Variants in SHOC1 observed in about 807,000 individuals in gnomAD.
SHOC1 encodes protein shortage in chiasmata 1 ortholog.
In SHOC1, 136 loss-of-function variants were observed where a neutral mutation model predicts 179.2. The ratio of observed to expected loss-of-function variants is 0.76; its 90% CI spans 0.66 to 0.87. The LOEUF is 0.87. SHOC1 is among the 40% of genes least tolerant of loss of function. SHOC1 has a pLI of 0.00. For synonymous variants in SHOC1, 489 were observed against 586.6 expected, an observed-to-expected ratio of 0.83 and a Z score of 2.41; for missense variants, 1,538 against 1,700.8, an observed-to-expected ratio of 0.90 and a Z score of 1.68.
chr9:111,711,355 C>T (rs1589392699), intron 18 of SHOC1, among the ~76,000 whole-genome samples: 2 of 152,098 alleles, frequency 1.3e-5, no homozygotes, highest in South Asian at 2.1e-4. Context: ...TGCACACCTG[C>T]GCACTGGGAA....
At chr9:111,700,413 G>C (rs2131338490) in intron 23 of SHOC1, among the ~76,000 whole-genome samples, 1 of 152,240 alleles carries the variant, frequency 6.6e-6, no homozygotes, top group African/African-American at 2.4e-5. Flanking sequence ...CACATGACCA[G>C]AACCAGGATA....
intron 9 of SHOC1, among the ~76,000 whole-genome samples, chr9:111,747,442 C>T (rs1834340532): frequency 6.6e-6 from 1 of 152,014 alleles, no homozygotes; most frequent in African/African-American, 2.4e-5. Flanking sequence ...CAGTGGTCAG[C>T]AAGATTGCTA....
In SHOC1 at chr9:111,766,109, G is replaced by T. The variant is rs781014663; in HGVS notation, c.443-7261C>A. On this transcript the variant is annotated intron_variant, in intron 5 of 27. Transcript: ENST00000682961. ...TCACCATTCTACTCTCTAACTTCAT[G>T]AGATCCACTTTTTTAGCTCCCACAT... is the stretch of plus-strand genomic sequence containing the variant. 7.4e-4 allele frequency among the ~76,000 whole-genome samples: 113 copies of T among 151,908 alleles called. 2 individuals are homozygous for T. Among genetic ancestry groups the T allele is most frequent in the Non-Finnish European group, 2.9e-4 (20 of 67,986 alleles).
intron 8 of SHOC1, among the ~76,000 whole-genome samples, chr9:111,752,869 G>A (rs1261656340): frequency 6.6e-6 from 1 of 152,086 alleles, no homozygotes; most frequent in African/African-American, 2.4e-5. Flanking sequence ...ATTGAAGACA[G>A]AGCAACAGAA....
chr9:111,793,777 C>G (rs186672144), intron 1 of SHOC1, among the ~76,000 whole-genome samples: 1 of 151,162 alleles, frequency 6.6e-6, no homozygotes, highest in Admixed American at 6.6e-5. Context: ...GAAATGCACA[C>G]GATAATGAGG....
intron 7 of SHOC1, 25 bp from the exon 8 acceptor site, chr9:111,756,503 T>A: frequency 6.4e-7 from 1 of 1,566,186 alleles, no homozygotes; most frequent in South Asian, 1.2e-5. Flanking sequence ...TTTAAAAAAG[T>A]TTTTAGAGAG....
At chr9:111,748,756 C>G (rs1184565067) in intron 8 of SHOC1, among the ~76,000 whole-genome samples, 1 of 40,130 alleles carries the variant, frequency 2.5e-5, no homozygotes, top group Non-Finnish European at 4.6e-5. Flanking sequence ...TTTTTTCCTT[C>G]CTTCCTTTCC....
At chr9:111,738,823 A>G (rs1017365635) in intron 11 of SHOC1, among the ~76,000 whole-genome samples, 3 of 152,192 alleles carry the variant, frequency 2.0e-5, no homozygotes, top group Admixed American at 2.0e-4. Context: ...GACCATTTTC[A>G]ATTATTAAAT....
chr9:111,785,051 C>G (rs932613934), intron 3 of SHOC1, among the ~76,000 whole-genome samples: 1 of 152,144 alleles, frequency 6.6e-6, no homozygotes, highest in African/African-American at 2.4e-5. Context: ...CTTCTCAGTC[C>G]CTTTTTCATT....
chr9:111,752,777 G>GA (rs1174773046), intron 8 of SHOC1, among the ~76,000 whole-genome samples: 1 of 152,034 alleles, frequency 6.6e-6, no homozygotes, highest in East Asian at 1.9e-4. Flanking sequence ...AGAACAAATG[G>GA]AAATTTTAAA....
At chr9:111,732,471 T>C (rs1382848569) in intron 12 of SHOC1, among the ~76,000 whole-genome samples, 1 of 152,030 alleles carries the variant, frequency 6.6e-6, no homozygotes, top group Non-Finnish European at 1.5e-5. Flanking sequence ...CACAAAAATA[T>C]TTATAACTTT....
At chr9:111,768,228 A>ATTTT (rs34176159) in intron 5 of SHOC1, among the ~76,000 whole-genome samples, 1 of 142,630 alleles carries the variant, frequency 7.0e-6, no homozygotes, top group African/African-American at 2.6e-5. Context: ...TGTATGTTAA[A>ATTTT]TTTTTTTTTT....
chr9:111,721,329 CTTTG>C (rs1466626014), intron 15 of SHOC1, among the ~76,000 whole-genome samples: 3 of 151,974 alleles, frequency 2.0e-5, no homozygotes, highest in Non-Finnish European at 2.9e-5. Flanking sequence ...CACATATATT[CTTTG>C]TTTGTTTGTT....
intron 3 of SHOC1, among the ~76,000 whole-genome samples, chr9:111,782,725 C>A (rs115262191): frequency 6.7e-6 from 1 of 150,222 alleles, no homozygotes; most frequent in Admixed American, 6.6e-5. Flanking sequence ...AAAAAAAAAA[C>A]AAAAACAAAA....
intron 5 of SHOC1, 45 bp from the exon 6 acceptor site, chr9:111,758,893 A>G: frequency 8.6e-7 from 1 of 1,162,696 alleles, no homozygotes; most frequent in Non-Finnish European, 1.2e-6. Flanking sequence ...AAAAACAAAA[A>G]GTTATCCAAA....
At position 111,723,829 on chromosome 9, in the gene SHOC1, T is replaced by G. The variant is rs773691067; in HGVS notation, c.1917A>C (p.Glu639Asp). 5.3e-5 allele frequency: 85 copies of G among 1,611,954 alleles called. No individual in the cohort carries two copies. The highest frequency in any genetic ancestry group is 7.0e-5 in the Non-Finnish European group (83 of 1,178,862). Reference sequence around the variant, plus strand: ...TTTCAATGACACTATCTGTTCCCCTTTCCTGATTTATTTCCTCCAGGGTTT... The same window carrying G: ...TTTCAATGACACTATCTGTTCCCCTGTCCTGATTTATTTCCTCCAGGGTTT... ...INKTLEEINQ[E>D]RGTDSVIEIQ... Residue 639 changes from glutamate (E) to aspartate (D), a missense_variant, in exon 14 of 28, where the codon GAA (glutamate) becomes GAC (aspartate). By Grantham distance (45) the Glu-to-Asp change is conservative. Transcript: ENST00000682961.
intron 18 of SHOC1, among the ~76,000 whole-genome samples, chr9:111,709,070 G>A (rs912396286): frequency 2.6e-5 from 4 of 152,220 alleles, no homozygotes; most frequent in African/African-American, 9.6e-5. Flanking sequence ...GCTGTGTGCA[G>A]TGGCTCACGC....
intron 9 of SHOC1, among the ~76,000 whole-genome samples, chr9:111,746,855 G>A (rs767928949): frequency 2.7e-4 from 41 of 151,864 alleles, no homozygotes; most frequent in African/African-American, 5.1e-4. Context: ...AATTACAACC[G>A]TGGTGATTTT....
chr9:111,742,297 AT>A (rs869238013), intron 10 of SHOC1, among the ~76,000 whole-genome samples: 1 of 152,170 alleles, frequency 6.6e-6, no homozygotes, highest in African/African-American at 2.4e-5. Flanking sequence ...CTCAACAAAA[AT>A]TTTTATAAAA....
Sources: allele counts gnomAD v4.1 joint callset (sites outside exome capture counted in the v4.1 genomes callset), GRCh38; gene constraint gnomAD v4.1.1; transcripts MANE v1.5; gene names NCBI Gene and HGNC (gene_info 2026-07-23, HGNC 2026-07-21).